Variants in C16orf74 observed in about 807,000 individuals in gnomAD.
The protein encoded by C16orf74 is uncharacterized protein C16orf74.
In C16orf74, 10 loss-of-function variants were observed where a neutral mutation model predicts 6.5. The observed-to-expected ratio is 1.54, with a 90% CI of 0.95 to 2.61. The LOEUF is 2.61. Ranked by LOEUF, C16orf74 falls within the 30% of genes most tolerant of loss-of-function variation. C16orf74 has a pLI of 0.00. For missense variants in C16orf74, 141 were observed against 105.9 expected (o/e 1.33, Z -1.45); for synonymous variants, 60 against 42.5 (o/e 1.41, Z -1.60).
At chr16:85,723,123 G>C (rs1359104337) in intron 2 of C16orf74, among the ~76,000 whole-genome samples, 1 of 152,010 alleles carries the variant, frequency 6.6e-6, no homozygotes, top group East Asian at 1.9e-4. Flanking sequence ...AGCCAGGTGT[G>C]GTGGTGCATG....
At chr16:85,735,075 G>T in intron 2 of C16orf74, 115 bp downstream of exon 2, 3 of 823,060 alleles carry the variant, frequency 3.6e-6, no homozygotes, top group Non-Finnish European at 5.6e-6. Context: ...TGCTTTAAGG[G>T]ATGGTGCCCT....
intron 2 of C16orf74, among the ~76,000 whole-genome samples, chr16:85,730,656 C>A (rs552761601): frequency 3.4e-5 from 5 of 145,742 alleles, no homozygotes; most frequent in African/African-American, 1.3e-4. Context: ...CAACTGAACC[C>A]CCAGATTAGC....
chr16:85,725,748 C>T (rs777618739), intron 2 of C16orf74, among the ~76,000 whole-genome samples: 3 of 152,144 alleles, frequency 2.0e-5, no homozygotes, highest in Admixed American at 6.5e-5. Flanking sequence ...GCACTACAGG[C>T]GCATGCTACC....
At chr16:85,713,591 A>G (rs2053990837) in intron 2 of C16orf74, among the ~76,000 whole-genome samples, 1 of 152,092 alleles carries the variant, frequency 6.6e-6, no homozygotes, top group Admixed American at 6.5e-5. Context: ...CCCTTTTGAT[A>G]AGGACACCCG....
At chr16:85,736,077 G>C (rs1212413552) in intron 1 of C16orf74, among the ~76,000 whole-genome samples, 1 of 152,180 alleles carries the variant, frequency 6.6e-6, no homozygotes, top group African/African-American at 2.4e-5. Flanking sequence ...GGGGCCTGTA[G>C]TGTGCAGAGA....
At chr16:85,729,689 A>T (rs899304771) in intron 2 of C16orf74, among the ~76,000 whole-genome samples, 15 of 152,164 alleles carry the variant, frequency 9.9e-5, no homozygotes, top group African/African-American at 3.6e-4. Context: ...AGGGGCTCTA[A>T]ATCCAATGCC....
chr16:85,711,121 C>T (rs997383563), intron 2 of C16orf74, among the ~76,000 whole-genome samples: 2 of 152,034 alleles, frequency 1.3e-5, no homozygotes, highest in Non-Finnish European at 2.9e-5. Flanking sequence ...CAAGACCAGC[C>T]TGGCCAACAT....
At chr16:85,737,898 G>C (rs1487938944) in intron 1 of C16orf74, among the ~76,000 whole-genome samples, 1 of 151,746 alleles carries the variant, frequency 6.6e-6, no homozygotes, top group African/African-American at 2.4e-5. Context: ...GCCCAGGGTG[G>C]CTTTGAATGT....
chr16:85,737,655 C>T (rs752090039), intron 1 of C16orf74, among the ~76,000 whole-genome samples: 2 of 152,166 alleles, frequency 1.3e-5, no homozygotes, highest in African/African-American at 2.4e-5. Context: ...CATGGTGAAA[C>T]CCCATCGCTA....
intron 2 of C16orf74, among the ~76,000 whole-genome samples, chr16:85,714,082 C>T (rs188820416): frequency 2.6e-4 from 39 of 152,282 alleles, no homozygotes; most frequent in Admixed American, 6.5e-4. Flanking sequence ...TGTGTGCCCC[C>T]GCCCCACTTC....
intron 1 of C16orf74, among the ~76,000 whole-genome samples, chr16:85,737,961 ATT>A (rs34329302): frequency 2.1e-3 from 293 of 136,894 alleles, no homozygotes; most frequent in East Asian, 7.4e-3. Context: ...TTTTTTTGTG[ATT>A]TTTTTTTTTT....
At chr16:85,722,540 C>T (rs1431025732) in intron 2 of C16orf74, among the ~76,000 whole-genome samples, 1 of 152,206 alleles carries the variant, frequency 6.6e-6, no homozygotes, top group East Asian at 1.9e-4. Flanking sequence ...TCAGGTCCAG[C>T]CACTCTGCAA....
intron 3 of C16orf74, among the ~76,000 whole-genome samples, chr16:85,708,843 A>G (rs1343931510): frequency 1.3e-5 from 2 of 152,214 alleles, no homozygotes; most frequent in Non-Finnish European, 1.5e-5. Context: ...ACAGCCTTCC[A>G]TGCACACTAC....
chr16:85,737,913 T>A (rs1259504098), intron 1 of C16orf74, among the ~76,000 whole-genome samples: 5 of 151,044 alleles, frequency 3.3e-5, no homozygotes, highest in Non-Finnish European at 7.4e-5. Flanking sequence ...GAATGTGGCC[T>A]AACGCAAATT....
Position 85,710,270 on chromosome 16 carries a change from G to A in C16orf74, c.66C>T (p.His22=), listed in dbSNP as rs750689222. Reference sequence around the variant, plus strand: ...TGTCGTTCAGGACGGGGGCCTCGTCGTGGCTGCTGCTGCTGCTGCTGACAC... The same window carrying A: ...TGTCGTTCAGGACGGGGGCCTCGTCATGGCTGCTGCTGCTGCTGCTGACAC... The part of the protein sequence containing the change: ...QMCVSSSSSS[H]DEAPVLNDKH... The change falls in exon 3 of 4, where the codon CAC becomes CAT. Residue 22 remains histidine, a synonymous_variant. Transcript: ENST00000284245. The A allele has an allele frequency of 2.6e-6, 4 of 1,516,398 alleles. No homozygotes were observed. Among genetic ancestry groups the A allele is most frequent in the East Asian group, 2.7e-5 (1 of 37,516 alleles). The allele number at this position is 1,516,398 out of a possible 1,614,324, so 93.9% of individuals were successfully genotyped here.
chr16:85,733,213 T>C (rs1330370477), intron 2 of C16orf74, among the ~76,000 whole-genome samples: 1 of 152,244 alleles, frequency 6.6e-6, no homozygotes, highest in Non-Finnish European at 1.5e-5. Flanking sequence ...TGGAATATTA[T>C]TCAGCCGTGA....
intron 1 of C16orf74, among the ~76,000 whole-genome samples, chr16:85,749,583 C>T (rs919839578): frequency 1.3e-5 from 2 of 152,244 alleles, no homozygotes; most frequent in Admixed American, 1.3e-4. Context: ...GTGCCTGGCC[C>T]TGTTTCCTCA....
intron 2 of C16orf74, among the ~76,000 whole-genome samples, chr16:85,729,024 G>C (rs1032601662): frequency 2.0e-5 from 3 of 152,156 alleles, no homozygotes; most frequent in East Asian, 3.8e-4. Context: ...AGAAGGTCCC[G>C]GACCCCACTG....
chr16:85,734,486 G>A (rs1383375209), intron 2 of C16orf74, among the ~76,000 whole-genome samples: 1 of 151,948 alleles, frequency 6.6e-6, no homozygotes, highest in Non-Finnish European at 1.5e-5. Context: ...TAGAAGCTTG[G>A]CACTCACACC....
Sources: gnomAD v4.1 joint callset for allele counts (sites outside exome capture counted in the v4.1 genomes callset) on GRCh38, gnomAD v4.1.1 for gene constraint, MANE v1.5 for transcripts, NCBI Gene and HGNC (gene_info 2026-07-23, HGNC 2026-07-21) for gene names.